Variants in TSNARE1 observed in about 807,000 individuals in gnomAD.
TSNARE1 encodes the protein t-SNARE domain-containing protein 1.
TSNARE1 carries 49 observed loss-of-function variants against 62.0 expected under a neutral mutation model. That is an observed-to-expected ratio of 0.79 (90% CI 0.63 to 1.00). TSNARE1 has a LOEUF of 1.00. Among genes scored for constraint, TSNARE1 ranks in the 50% least tolerant of loss-of-function variants. The pLI is 0.00. For synonymous variants in TSNARE1, 328 were observed against 294.4 expected, an observed-to-expected ratio of 1.11 and a Z score of -1.17; for missense variants, 755 against 700.1, an observed-to-expected ratio of 1.08 and a Z score of -0.88.
At chr8:142,385,495 G>C (rs1587112652) in intron 1 of TSNARE1, among the ~76,000 whole-genome samples, 1 of 152,232 alleles carries the variant, frequency 6.6e-6, no homozygotes, top group Non-Finnish European at 1.5e-5. Context: ...TGACAGAACA[G>C]AATGCAGATA....
intron 1 of TSNARE1, among the ~76,000 whole-genome samples, chr8:142,385,405 G>C (rs1837046571): frequency 6.6e-6 from 1 of 152,212 alleles, no homozygotes; most frequent in Non-Finnish European, 1.5e-5. Flanking sequence ...AGGAGATGCC[G>C]TCAAAACGAC....
chr8:142,224,964 C>A (rs372174441), intron 13 of TSNARE1, among the ~76,000 whole-genome samples: 2 of 152,098 alleles, frequency 1.3e-5, no homozygotes, highest in South Asian at 4.1e-4. Context: ...ATCCCTTCCC[C>A]ACCTGAGCCT....
At chr8:142,317,978 C>T (rs529526347) in intron 7 of TSNARE1, among the ~76,000 whole-genome samples, 2 of 152,182 alleles carry the variant, frequency 1.3e-5, no homozygotes, top group Non-Finnish European at 2.9e-5. Flanking sequence ...AAAAAAATTG[C>T]GGACAGGGTG....
chr8:142,392,352 C>T (rs1378542658), intron 1 of TSNARE1, among the ~76,000 whole-genome samples: 1 of 151,968 alleles, frequency 6.6e-6, no homozygotes, highest in African/African-American at 2.4e-5. Context: ...AAGGAGTACA[C>T]TCTAAAATAA....
At chr8:142,392,332 T>A (rs899008811) in intron 1 of TSNARE1, among the ~76,000 whole-genome samples, 1 of 152,150 alleles carries the variant, frequency 6.6e-6, no homozygotes, top group Non-Finnish European at 1.5e-5. Context: ...AACTTTTTTT[T>A]AATAAGTAAA....
chr8:142,316,227 T>C (rs1225054653), intron 7 of TSNARE1, among the ~76,000 whole-genome samples: 3 of 151,772 alleles, frequency 2.0e-5, no homozygotes, highest in East Asian at 2.0e-4. Flanking sequence ...CAGGCGTCGA[T>C]GCTGGTCATG....
At chr8:142,217,789 G>C (rs1405853865) in intron 13 of TSNARE1, among the ~76,000 whole-genome samples, 1 of 148,520 alleles carries the variant, frequency 6.7e-6, no homozygotes, top group Non-Finnish European at 1.5e-5. Context: ...CAGGATCAGC[G>C]TTCAGGGTGT....
At chr8:142,337,732 A>T (rs1167196560) in intron 4 of TSNARE1, among the ~76,000 whole-genome samples, 1 of 152,230 alleles carries the variant, frequency 6.6e-6, no homozygotes, top group East Asian at 1.9e-4. Flanking sequence ...ACCACAGCAC[A>T]GGCCTCCTGC....
At chr8:142,255,748 A>G (rs1174618888) in intron 12 of TSNARE1, among the ~76,000 whole-genome samples, 1 of 59,914 alleles carries the variant, frequency 1.7e-5, no homozygotes, top group Non-Finnish European at 4.5e-5. Context: ...CACTGTCACC[A>G]TCACCACCAC....
intron 11 of TSNARE1, chr8:142,278,608 GGAGCCAGCATCACCCTCA>G (rs1478069266): frequency 1.0e-6 from 1 of 985,448 alleles, no homozygotes; most frequent in African/African-American, 1.7e-5. Context: ...GAGGAAGCAC[GGAGCCAGCATCACCCTCA>G]GAGCCAGCGT....
intron 12 of TSNARE1, among the ~76,000 whole-genome samples, chr8:142,249,624 C>T (rs1001835471): frequency 1.3e-5 from 2 of 152,238 alleles, no homozygotes; most frequent in South Asian, 2.1e-4. Context: ...TGCCTTCTCA[C>T]GGCACCTCTC....
intron 12 of TSNARE1, among the ~76,000 whole-genome samples, chr8:142,236,269 C>T (rs1817416894): frequency 6.6e-6 from 1 of 151,932 alleles, no homozygotes; most frequent in South Asian, 2.1e-4. Context: ...CCCCGAGATA[C>T]ATGCCACGGG....
chr8:142,301,566 C>T (rs1825785165), intron 9 of TSNARE1, among the ~76,000 whole-genome samples: 1 of 152,178 alleles, frequency 6.6e-6, no homozygotes, highest in Non-Finnish European at 1.5e-5. Context: ...CTGCCCATGC[C>T]AGCGGGCCTT....
intron 9 of TSNARE1, among the ~76,000 whole-genome samples, chr8:142,305,154 CA>C (rs1826449270): frequency 6.6e-6 from 1 of 152,144 alleles, no homozygotes; most frequent in Admixed American, 6.5e-5. Context: ...GTGAGATGGC[CA>C]GGTGGAGAAG....
chr8:142,295,982 G>A (rs866746906), intron 10 of TSNARE1, among the ~76,000 whole-genome samples: 7 of 134,792 alleles, frequency 5.2e-5, no homozygotes, highest in East Asian at 2.2e-4. Flanking sequence ...GGGATGGGCC[G>A]GCCACTGTCA....
chr8:142,367,130 CAGAA>C (rs1191996277), intron 1 of TSNARE1, among the ~76,000 whole-genome samples: 1 of 152,180 alleles, frequency 6.6e-6, no homozygotes, highest in Non-Finnish European at 1.5e-5. Context: ...AGTGATCAAA[CAGAA>C]AGCTATCCCT....
At chr8:142,379,268 T>C (rs979331205) in intron 1 of TSNARE1, among the ~76,000 whole-genome samples, 9 of 152,132 alleles carry the variant, frequency 5.9e-5, no homozygotes, top group Non-Finnish European at 1.3e-4. Context: ...GCACCACACC[T>C]CTGAGTAAGC....
intron 12 of TSNARE1, among the ~76,000 whole-genome samples, chr8:142,234,604 C>T (rs1817310472): frequency 6.6e-6 from 1 of 152,216 alleles, no homozygotes; most frequent in African/African-American, 2.4e-5. Context: ...GCCCAGAGGG[C>T]AGCCCAGCCC....
chr8:142,284,696 C>A (rs1047264095), intron 10 of TSNARE1, among the ~76,000 whole-genome samples: 2 of 152,164 alleles, frequency 1.3e-5, no homozygotes, highest in African/African-American at 4.8e-5. Flanking sequence ...CCCAGGGTCA[C>A]CCCAAAAGTC....
Sources: allele counts gnomAD v4.1 joint callset (sites outside exome capture counted in the v4.1 genomes callset), GRCh38; gene constraint gnomAD v4.1.1; transcripts MANE v1.5; gene names NCBI Gene and HGNC (gene_info 2026-07-23, HGNC 2026-07-21).